ENTPD7: variants seen among roughly 807,000 people sequenced by gnomAD.
ENTPD7 encodes the protein NTPDase 7.
In ENTPD7, 53 loss-of-function variants were observed where a neutral mutation model predicts 77.9. That is an observed-to-expected ratio of 0.68 (90% CI 0.55 to 0.85). The LOEUF (loss-of-function observed/expected upper bound fraction) is 0.85. ENTPD7 is among the 40% of genes least tolerant of loss of function. The pLI, the probability that ENTPD7 is intolerant of heterozygous loss-of-function variation, is 0.00. For synonymous variants in ENTPD7, 248 were observed against 274.9 expected (o/e 0.90, Z 0.97); for missense variants, 636 against 743.7 (o/e 0.86, Z 1.68).
At chr10:99,691,092 T>C (rs919432364) in intron 7 of ENTPD7, among the ~76,000 whole-genome samples, 1 of 152,032 alleles carries the variant, frequency 6.6e-6, no homozygotes, top group Non-Finnish European at 1.5e-5. Flanking sequence ...GCACAAATGA[T>C]CCTCTGGCCT....
At chr10:99,675,353 A>C (rs1292898317) in intron 3 of ENTPD7, among the ~76,000 whole-genome samples, 3 of 152,026 alleles carry the variant, frequency 2.0e-5, no homozygotes, top group Non-Finnish European at 4.4e-5. Flanking sequence ...GGATTGTAGA[A>C]TGAAATGTAT....
chr10:99,687,375 C>T (rs1177789773), intron 6 of ENTPD7, among the ~76,000 whole-genome samples: 1 of 145,732 alleles, frequency 6.9e-6, no homozygotes, highest in African/African-American at 2.5e-5. Context: ...AAGCGACTCT[C>T]CTGCCTCAGC....
intron 10 of ENTPD7, among the ~76,000 whole-genome samples, chr10:99,700,393 C>T (rs1338167674): frequency 1.9e-5 from 2 of 103,650 alleles, no homozygotes; most frequent in East Asian, 5.9e-4. Flanking sequence ...TCCAACGTAC[C>T]GTGTGTGTGT....
In ENTPD7 at chr10:99,709,008, T is replaced by C. The variant is rs1156772229; in HGVS notation, c.*4325T>C. On this transcript the variant is annotated 3_prime_UTR_variant, in exon 13 of 13. Transcript: ENST00000370489. The stretch of plus-strand genomic sequence containing the variant: ...GGAATAAACTTTGAAAAAAATACTT[T>C]GTCAGAAATAGTGCCAAGTTTTCAC... 2.0e-6 allele frequency: 2 copies of C among 985,270 alleles called. No homozygotes were observed. The highest frequency in any genetic ancestry group is 3.5e-5 in the African/African-American group (2 of 57,250). 61.0% of individuals were successfully genotyped at this position (985,270 alleles called of 1,614,324 possible). A position where few individuals can be genotyped will look rare whatever the true frequency, so the allele number is the denominator to read the frequency against.
At chr10:99,689,364 T>C (rs961170766) in intron 7 of ENTPD7, among the ~76,000 whole-genome samples, 1 of 152,152 alleles carries the variant, frequency 6.6e-6, no homozygotes, top group African/African-American at 2.4e-5. Flanking sequence ...TAATCTATAA[T>C]TGTTAACCTT....
intron 11 of ENTPD7, among the ~76,000 whole-genome samples, chr10:99,702,232 ATCC>A (rs1306984172): frequency 6.6e-6 from 1 of 152,158 alleles, no homozygotes; most frequent in Admixed American, 6.5e-5. Context: ...AATCCCAAAC[ATCC>A]TATAATTACA....
chr10:99,688,810 C>A, intron 7 of ENTPD7, 60 bp downstream of exon 7: 1 of 1,505,298 alleles, frequency 6.6e-7, no homozygotes, highest in African/African-American at 1.4e-5. Flanking sequence ...AAGTTATAAC[C>A]TATCAGTAGC....
rs1240250312 is a variant in ENTPD7 at position 99,679,451 on chromosome 10, A to G, written c.382A>G (p.Lys128Glu). ...AGACCGCAACAGCCAACCAGTGGTTAAAAAAATCAAGCCAGGTACTAATCA... is the reference window on the plus strand; with the variant it reads ...AGACCGCAACAGCCAACCAGTGGTTGAAAAAATCAAGCCAGGTACTAATCA... ...MRDRNSQPVV[K>E]KIKPGISAMA... Residue 128 changes from lysine (K) to glutamate (E), a missense_variant, in exon 4 of 13, where the codon AAA becomes GAA. Lys to Glu is a moderately conservative substitution (Grantham distance 56). Transcript: ENST00000370489. 1.2e-6 allele frequency: 2 copies of G among 1,612,578 alleles called. No individual in the cohort carries two copies. The highest frequency in any genetic ancestry group is 2.2e-5 in the South Asian group (2 of 90,860).
chr10:99,684,838 G>A (rs2035792920), intron 5 of ENTPD7, among the ~76,000 whole-genome samples: 1 of 152,092 alleles, frequency 6.6e-6, no homozygotes. Context: ...AAAGTTTCAA[G>A]TGTTTTCCCC....
intron 3 of ENTPD7, among the ~76,000 whole-genome samples, chr10:99,678,714 T>C (rs1590043114): frequency 1.4e-5 from 2 of 146,106 alleles, no homozygotes; most frequent in African/African-American, 2.5e-5. Flanking sequence ...GAGGCAGAGG[T>C]TGCAGTGAGC....
chr10:99,672,662 C>A (rs2035631118), intron 3 of ENTPD7, among the ~76,000 whole-genome samples: 1 of 152,180 alleles, frequency 6.6e-6, no homozygotes, highest in African/African-American at 2.4e-5. Flanking sequence ...ATGTTCCTGA[C>A]TGCTCTGATT....
Position 99,679,865 on chromosome 10 carries a change from CT to C in ENTPD7, c.539del (p.Leu180ProfsTer13), listed in dbSNP as rs771363974. ...YILCTAGMRLLPERKQLAILA... is the reference protein window; with the variant it reads ...YILCTAGMRLXPERKQLAILA... Reference sequence around the variant, plus strand: ...CCTCTGCACAGCAGGCATGAGGCTTCTCCCTGAGAGGTGAGATGCAGGGTAC... The same window carrying C: ...CCTCTGCACAGCAGGCATGAGGCTTCCCCTGAGAGGTGAGATGCAGGGTAC... On this transcript the variant is annotated frameshift_variant, in exon 5 of 13. Transcript: ENST00000370489. LOFTEE classifies it high-confidence loss of function. The C allele has an allele frequency of 4.6e-5, 74 of 1,610,442 alleles. No individual in the cohort carries two copies. Among genetic ancestry groups the C allele is most frequent in the Non-Finnish European group, 6.8e-6 (8 of 1,179,102 alleles).
At chr10:99,697,435 G>C (rs2036005878) in intron 9 of ENTPD7, 1 of 157,490 alleles carries the variant, frequency 6.3e-6, no homozygotes, top group Admixed American at 6.5e-5. Flanking sequence ...TTTTCTGTCT[G>C]CTGTTTTCTG....
rs2036275767 is a variant in ENTPD7 at position 99,707,492 on chromosome 10, G to A, written c.*2809G>A. 6.6e-6 allele frequency among the ~76,000 whole-genome samples: 1 copy of A among 152,130 alleles called. No individual in the cohort carries two copies. The highest frequency in any genetic ancestry group is 2.4e-5 in the African/African-American group (1 of 41,436). ...AGAAATCTATCTTGCCATACCCTTT[G>A]GTTTTTAAAGATTTCTCTTCTATTT... On this transcript the variant is annotated 3_prime_UTR_variant, in exon 13 of 13. Coordinates refer to ENST00000370489, the MANE Select transcript of ENTPD7 (RefSeq NM_020354.5).
chr10:99,675,600 T>TTC (rs2035671634), intron 3 of ENTPD7, among the ~76,000 whole-genome samples: 1 of 148,668 alleles, frequency 6.7e-6, no homozygotes, highest in African/African-American at 2.5e-5. Context: ...GCAACTAATT[T>TTC]TTTTTTTTTT....
chr10:99,697,771 C>G (rs1162615828), intron 9 of ENTPD7: 1 of 161,764 alleles, frequency 6.2e-6, no homozygotes, highest in Non-Finnish European at 1.4e-5. Flanking sequence ...AAGAAGTCCA[C>G]TCTTCAACAT....
rs774747547 is a variant in ENTPD7 at position 99,679,354 on chromosome 10, C to T, written c.285C>T (p.Ser95=). The T allele has an allele frequency of 1.2e-6, 2 of 1,614,068 alleles. No homozygotes were observed. Among genetic ancestry groups the T allele is most frequent in the South Asian group, 1.1e-5 (1 of 91,070 alleles). ...TTGTTGACTGTGGCAGCAGTGGTTC[C>T]CGGATTTTTGTTTATTTCTGGCCAA... ...GLVVDCGSSG[S]RIFVYFWPRH... The change falls in exon 4 of 13, where the codon TCC becomes TCT. Residue 95 remains serine (S), a synonymous_variant. Coordinates refer to ENST00000370489, the MANE Select transcript of ENTPD7 (RefSeq NM_020354.5).
rs1391527790 is a variant in ENTPD7, at chr10:99,702,497, A to G, written c.1422-15A>G. Reference sequence around the variant, plus strand: ...TTTTCTCTTTTTTTAAAATTTAATTATTTTTGTCACACAGATATCAGTGTT... The same window carrying G: ...TTTTCTCTTTTTTTAAAATTTAATTGTTTTTGTCACACAGATATCAGTGTT... On this transcript the variant is annotated splice_polypyrimidine_tract_variant and intron_variant, in intron 11 of 12. Coordinates refer to ENST00000370489, the MANE Select transcript of ENTPD7 (RefSeq NM_020354.5). 3 of 1,517,588 alleles carry G rather than the reference A, an allele frequency of 2.0e-6. No homozygotes were observed. Among genetic ancestry groups the G allele is most frequent in the Non-Finnish European group, 2.6e-6 (3 of 1,135,294 alleles). 94.0% of individuals were successfully genotyped at this position (1,517,588 alleles called of 1,614,324 possible). A position where few individuals can be genotyped will look rare whatever the true frequency, so the allele number is the denominator to read the frequency against.
chr10:99,663,504 G>C (rs549968020), intron 3 of ENTPD7, among the ~76,000 whole-genome samples: 1 of 148,398 alleles, frequency 6.7e-6, no homozygotes, highest in Admixed American at 6.8e-5. Context: ...GCATCTCCCA[G>C]GTTGGAGTGC....
Sources: allele counts gnomAD v4.1 joint callset (sites outside exome capture counted in the v4.1 genomes callset), GRCh38; gene constraint gnomAD v4.1.1; transcripts MANE v1.5; gene names NCBI Gene and HGNC (gene_info 2026-07-23, HGNC 2026-07-21).